PSPC1: variants seen among roughly 807,000 people sequenced by gnomAD.
PSPC1 encodes the protein paraspeckle protein 1.
A neutral mutation model predicts 51.6 loss-of-function variants in PSPC1; 14 were observed. The ratio of observed to expected loss-of-function variants is 0.27; its 90% CI spans 0.18 to 0.42. The LOEUF (loss-of-function observed/expected upper bound fraction) is 0.42. Among genes scored for constraint, PSPC1 ranks in the 10% least tolerant of loss-of-function variants. The probability of loss-of-function intolerance (pLI) is 1.00; values close to 1 mark genes in which losing one functional copy is unlikely to be tolerated. For missense variants in PSPC1, 406 were observed against 701.1 expected (o/e 0.58, Z 4.75); for synonymous variants, 193 against 231.9 (o/e 0.83, Z 1.53).
chr13:19,714,151 G>C (rs1405023938), intron 6 of PSPC1, among the ~76,000 whole-genome samples: 2 of 152,132 alleles, frequency 1.3e-5, no homozygotes, highest in Admixed American at 6.5e-5. Context: ...CAATAAAACA[G>C]GATTTGTCCA....
chr13:19,731,434 G>A (rs984287903), intron 5 of PSPC1, among the ~76,000 whole-genome samples: 2 of 149,524 alleles, frequency 1.3e-5, no homozygotes, highest in African/African-American at 4.9e-5. Context: ...TTGTTGTTGA[G>A]ACAGGGTCTT....
chr13:19,675,819 T>A (rs1214799301), intron 7 of PSPC1: 1 of 152,242 alleles, frequency 6.6e-6, no homozygotes, highest in Non-Finnish European at 1.5e-5. Flanking sequence ...TGGAGGAAAC[T>A]GTCATGGAAA....
downstream of PSPC1, chr13:19,673,147 A>C (rs1876249647): frequency 2.2e-6 from 1 of 452,236 alleles, no homozygotes; most frequent in Admixed American, 2.4e-5. Flanking sequence ...TTGAACACCG[A>C]CTGGGAAGAT....
chr13:19,782,761 A>G lies in PSPC1; in HGVS notation c.-4T>C. On this transcript the variant is annotated 5_prime_UTR_variant, in exon 1 of 9. Coordinates refer to ENST00000338910, the MANE Select transcript of PSPC1 (RefSeq NM_001354909.2). This position sits in a 1 kb window ranked among gnomAD's most constrained non-coding sequence, Gnocchi z 4.5. ...TCAGGTTTCCTCTTAACATCATCTT[A>G]CTGAGTTCGCCTCGGACACCGGATA... The G allele has an allele frequency of 6.5e-7, 1 of 1,540,120 alleles. No individual in the cohort carries two copies. The highest frequency in any genetic ancestry group is 8.6e-7 in the Non-Finnish European group (1 of 1,159,930).
chr13:19,764,093 A>C (rs1283094173), intron 2 of PSPC1, among the ~76,000 whole-genome samples: 1 of 152,172 alleles, frequency 6.6e-6, no homozygotes, highest in African/African-American at 2.4e-5. Flanking sequence ...CTAAAATTTA[A>C]AGTGTTAATT....
intron 1 of PSPC1, among the ~76,000 whole-genome samples, chr13:19,781,905 C>A (rs1343963665): frequency 6.6e-6 from 1 of 152,236 alleles, no homozygotes; most frequent in Admixed American, 6.5e-5. Context: ...CAGACCCTCA[C>A]GACCAGTGAT....
chr13:19,743,730 T>C lies in PSPC1; in HGVS notation c.968-2081A>G, dbSNP rs76309596. Among the ~76,000 whole-genome samples the C allele has an allele frequency of 4.9e-3, 746 of 152,332 alleles. 7 individuals carry two copies. The highest frequency in any genetic ancestry group is 0.017 in the African/African-American group (693 of 41,580). ...GGCCCATAGAGAAAACACTTGATTATCTGAAAAATGTTAAACATGACCGCA... is the reference window on the plus strand; with the variant it reads ...GGCCCATAGAGAAAACACTTGATTACCTGAAAAATGTTAAACATGACCGCA... On this transcript the variant is annotated intron_variant, in intron 4 of 8. Transcript: ENST00000338910.
downstream of PSPC1, among the ~76,000 whole-genome samples, chr13:19,698,940 A>G (rs1879579508): frequency 6.6e-6 from 1 of 151,920 alleles, no homozygotes; most frequent in Non-Finnish European, 1.5e-5. Flanking sequence ...TACACTGTTA[A>G]TTTCATCAGG....
Position 19,756,344 on chromosome 13 carries a change from C to T in PSPC1, c.770+2979G>A, listed in dbSNP as rs562579640. ...CCCTTCGCTCCTTCCTTGCTTTGAG[C>T]ATTTTGTCCAATTCTTTGTTCAAGA... On this transcript the variant is annotated intron_variant, in intron 3 of 8. Transcript: ENST00000338910. Among the ~76,000 whole-genome samples, 3 of 152,212 alleles carry T rather than the reference C, an allele frequency of 2.0e-5. No homozygotes were observed. In the South Asian group the frequency reaches 6.2e-4, roughly 32 times the overall value.
chr13:19,766,884 A>G (rs1466601313), intron 2 of PSPC1, among the ~76,000 whole-genome samples: 45 of 151,826 alleles, frequency 3.0e-4, no homozygotes, highest in Non-Finnish European at 1.5e-5. Context: ...AAAAAAGGAC[A>G]AGAACAATGG....
At chr13:19,711,563 A>C (rs2137786117) in intron 6 of PSPC1, among the ~76,000 whole-genome samples, 1 of 149,668 alleles carries the variant, frequency 6.7e-6, no homozygotes, top group East Asian at 2.1e-4. Flanking sequence ...GCGGGAACCC[A>C]GGAGGCAGAG....
At chr13:19,696,772 C>A (rs1258390201) in intron 6 of PSPC1, among the ~76,000 whole-genome samples, 1 of 152,094 alleles carries the variant, frequency 6.6e-6, no homozygotes, top group African/African-American at 2.4e-5. Flanking sequence ...CCAAACATAC[C>A]GATACAAAAA....
intron 6 of PSPC1, among the ~76,000 whole-genome samples, chr13:19,716,049 T>C (rs1360849624): frequency 6.6e-6 from 1 of 151,924 alleles, no homozygotes; most frequent in East Asian, 1.9e-4. Flanking sequence ...AAAATTAAAT[T>C]CTATGAAGTT....
intron 7 of PSPC1, among the ~76,000 whole-genome samples, chr13:19,707,254 A>G (rs1880805367): frequency 6.6e-6 from 1 of 152,332 alleles, no homozygotes; most frequent in African/African-American, 2.4e-5. Flanking sequence ...ATGGGTATAA[A>G]AAATCAAAAA....
intron 4 of PSPC1, among the ~76,000 whole-genome samples, chr13:19,744,895 A>C (rs1198750374): frequency 6.6e-6 from 1 of 152,170 alleles, no homozygotes; most frequent in East Asian, 1.9e-4. Flanking sequence ...TTGATCCAGG[A>C]AATTACACTC....
chr13:19,700,584 G>A (rs1243813374), downstream of PSPC1, among the ~76,000 whole-genome samples: 1 of 151,956 alleles, frequency 6.6e-6, no homozygotes, highest in Non-Finnish European at 1.5e-5. Flanking sequence ...AAAAATGGGG[G>A]AAATTCCAAC....
At chr13:19,704,103 T>A (rs1366810209) in intron 8 of PSPC1, among the ~76,000 whole-genome samples, 1 of 152,276 alleles carries the variant, frequency 6.6e-6, no homozygotes, top group Non-Finnish European at 1.5e-5. Flanking sequence ...AAATAAAGTT[T>A]ACAATTTCAG....
intron 5 of PSPC1, among the ~76,000 whole-genome samples, chr13:19,731,640 C>T (rs975495664): frequency 6.6e-6 from 1 of 152,160 alleles, no homozygotes; most frequent in Non-Finnish European, 1.5e-5. Context: ...TCTTAAACTC[C>T]TGGGCTCAAG....
chr13:19,688,959 T>G (rs1256752313), intron 6 of PSPC1, among the ~76,000 whole-genome samples: 1 of 49,200 alleles, frequency 2.0e-5, no homozygotes, highest in Non-Finnish European at 6.8e-5. Context: ...TGTGATAAAC[T>G]CTTAAAAAAA....
Sources: allele counts gnomAD v4.1 joint callset (sites outside exome capture counted in the v4.1 genomes callset), GRCh38; gene constraint gnomAD v4.1.1; non-coding constraint Gnocchi (gnomAD v3.1); transcripts MANE v1.5; gene names NCBI Gene and HGNC (gene_info 2026-07-23, HGNC 2026-07-21).